Variants in KCND2 observed in about 807,000 individuals in gnomAD.
The protein encoded by KCND2 is potassium voltage-gated channel subfamily D member 2.
A neutral mutation model predicts 54.4 loss-of-function variants in KCND2; 16 were observed. The observed-to-expected ratio is 0.29, with a 90% CI of 0.20 to 0.45. The LOEUF (loss-of-function observed/expected upper bound fraction) is 0.45. Among genes scored for constraint, KCND2 ranks in the 20% least tolerant of loss-of-function variants. The probability of loss-of-function intolerance (pLI) is 1.00; values close to 1 mark genes in which losing one functional copy is unlikely to be tolerated. For synonymous variants in KCND2, 317 were observed against 310.7 expected, an observed-to-expected ratio of 1.02 and a Z score of -0.21; for missense variants, 486 against 824.2, an observed-to-expected ratio of 0.59 and a Z score of 5.02.
chr7:120,333,254 C>T (rs765664137), intron 1 of KCND2, among the ~76,000 whole-genome samples: 1 of 152,050 alleles, frequency 6.6e-6, no homozygotes, highest in East Asian at 1.9e-4. Flanking sequence ...TTGTAAGGAA[C>T]AAATGAAATA....
At chr7:120,542,012 C>T (rs1321858183) in intron 1 of KCND2, among the ~76,000 whole-genome samples, 2 of 152,120 alleles carry the variant, frequency 1.3e-5, no homozygotes, top group African/African-American at 2.4e-5. Context: ...TTTCTACGAC[C>T]TATTTTATTA....
chr7:120,648,918 A>G (rs570356513), intron 1 of KCND2, among the ~76,000 whole-genome samples: 2 of 152,338 alleles, frequency 1.3e-5, no homozygotes, highest in South Asian at 2.1e-4. Context: ...GTTCATTTTT[A>G]TTAGAAGACT....
chr7:120,540,813 A>G (rs1034426353), intron 1 of KCND2, among the ~76,000 whole-genome samples: 4 of 151,586 alleles, frequency 2.6e-5, no homozygotes, highest in Non-Finnish European at 5.9e-5. Flanking sequence ...TTCACTCTCT[A>G]TAAAAAAAAA....
At chr7:120,674,688 C>T (rs1792036545) in intron 1 of KCND2, among the ~76,000 whole-genome samples, 1 of 152,184 alleles carries the variant, frequency 6.6e-6, no homozygotes. Context: ...CTGCATCCTT[C>T]AGGCAATTTA....
intron 1 of KCND2, among the ~76,000 whole-genome samples, chr7:120,316,309 T>A (rs953214817): frequency 6.6e-6 from 1 of 152,222 alleles, no homozygotes; most frequent in African/African-American, 2.4e-5. Flanking sequence ...CTTCTCAGAA[T>A]ATTTAGCTAG....
intron 1 of KCND2, among the ~76,000 whole-genome samples, chr7:120,549,946 T>C (rs1792086061): frequency 6.6e-6 from 1 of 152,078 alleles, no homozygotes; most frequent in Non-Finnish European, 1.5e-5. Context: ...CAAAATGAAA[T>C]AGAAATAGTC....
chr7:120,742,550 C>T lies in KCND2; in HGVS notation c.1415C>T (p.Ser472Phe), dbSNP rs146058924. The T allele has an allele frequency of 1.5e-4, 246 of 1,613,624 alleles. 1 individual carries two copies. The African/African-American group carries it at 2.8e-3, about 18-fold the overall frequency. Residue 472 changes from serine (S) to phenylalanine (F), a missense_variant, in exon 4 of 6, where the codon TCC becomes TTC. This residue lies in a region of KCND2 where 202 missense variants were observed against 252.7 expected (regional missense o/e 0.80). Coordinates refer to ENST00000331113, the MANE Select transcript of KCND2 (RefSeq NM_012281.3). ...CAGGCTTTTGTTAGCAAATCCGGCTCCAGCTTTGAAACCCAGCACCACCAC... is the reference window on the plus strand; with the variant it reads ...CAGGCTTTTGTTAGCAAATCCGGCTTCAGCTTTGAAACCCAGCACCACCAC... ...DEQAFVSKSG[S>F]SFETQHHHLL...
chr7:120,344,863 C>G (rs1363183739), intron 1 of KCND2, among the ~76,000 whole-genome samples: 2 of 152,140 alleles, frequency 1.3e-5, no homozygotes, highest in Admixed American at 1.3e-4. Flanking sequence ...GCCTAGTTCT[C>G]TACTGAGTTC....
intron 1 of KCND2, among the ~76,000 whole-genome samples, chr7:120,591,130 G>A (rs1440875946): frequency 6.6e-6 from 1 of 152,072 alleles, no homozygotes; most frequent in Non-Finnish European, 1.5e-5. Context: ...CACCCAACAT[G>A]TTCAATGTCT....
chr7:120,363,027 G>A (rs770047854), intron 1 of KCND2, among the ~76,000 whole-genome samples: 1 of 152,032 alleles, frequency 6.6e-6, no homozygotes, highest in Non-Finnish European at 1.5e-5. Context: ...GTCAGGCAGG[G>A]TGTCGTGGCT....
At chr7:120,363,243 C>T (rs1013990202) in intron 1 of KCND2, among the ~76,000 whole-genome samples, 12 of 152,056 alleles carry the variant, frequency 7.9e-5, no homozygotes, top group African/African-American at 2.9e-4. Flanking sequence ...TTGTAATGAG[C>T]TTTTATTGTG....
chr7:120,415,984 C>T (rs1801518733), intron 1 of KCND2, among the ~76,000 whole-genome samples: 1 of 152,108 alleles, frequency 6.6e-6, no homozygotes, highest in Admixed American at 6.6e-5. Context: ...ACTAGCAAGC[C>T]ATATTGATAT....
At chr7:120,354,787 A>C (rs979826775) in intron 1 of KCND2, among the ~76,000 whole-genome samples, 12 of 152,130 alleles carry the variant, frequency 7.9e-5, no homozygotes, top group Non-Finnish European at 1.2e-4. Flanking sequence ...AAAAGAAAAG[A>C]AAAGCAAAGA....
chr7:120,391,295 C>G (rs1801073826), intron 1 of KCND2, among the ~76,000 whole-genome samples: 1 of 151,988 alleles, frequency 6.6e-6, no homozygotes, highest in Admixed American at 6.6e-5. Flanking sequence ...ATGTGCCACA[C>G]TTGCTTTATC....
intron 1 of KCND2, among the ~76,000 whole-genome samples, chr7:120,501,798 C>A (rs934340668): frequency 1.3e-5 from 2 of 151,872 alleles, no homozygotes; most frequent in Admixed American, 1.3e-4. Flanking sequence ...GCACTGTATT[C>A]CCCTGGGTGT....
At chr7:120,656,047 T>G (rs1791799659) in intron 1 of KCND2, among the ~76,000 whole-genome samples, 1 of 152,176 alleles carries the variant, frequency 6.6e-6, no homozygotes, top group Non-Finnish European at 1.5e-5. Flanking sequence ...AAAATTATAT[T>G]TAGTTCATTC....
intron 1 of KCND2, among the ~76,000 whole-genome samples, chr7:120,297,720 C>T (rs549477453): frequency 6.4e-4 from 98 of 152,242 alleles, no homozygotes; most frequent in Non-Finnish European, 1.1e-3. Flanking sequence ...AAATGCACTT[C>T]TGTTCACAAA....
chr7:120,742,922 T>C (rs1792960191), intron 4 of KCND2, among the ~76,000 whole-genome samples: 1 of 152,168 alleles, frequency 6.6e-6, no homozygotes, highest in Non-Finnish European at 1.5e-5. Context: ...TTTCTGTGAT[T>C]CTTAAAATGC....
In KCND2 at chr7:120,681,073, A is replaced by C. The variant is rs558713283; in HGVS notation, c.1116-51830A>C. 4.9e-4 allele frequency among the ~76,000 whole-genome samples: 74 copies of C among 152,214 alleles called. 1 individual carries two copies. In the South Asian group the frequency reaches 0.015, roughly 32 times the overall value. On this transcript the variant is annotated intron_variant, in intron 1 of 5. Coordinates refer to ENST00000331113, the MANE Select transcript of KCND2 (RefSeq NM_012281.3). Reference sequence around the variant, plus strand: ...TTCATAATTTGAACAATTTATTCACATGTAGTGTATCTGAAGCCATATAAA... The same window carrying C: ...TTCATAATTTGAACAATTTATTCACCTGTAGTGTATCTGAAGCCATATAAA...
Sources: gnomAD v4.1 joint callset for allele counts (sites outside exome capture counted in the v4.1 genomes callset) on GRCh38, gnomAD v4.1.1 for gene constraint, gnomAD v4.1.1 regional missense constraint, MANE v1.5 for transcripts, NCBI Gene and HGNC (gene_info 2026-07-23, HGNC 2026-07-21) for gene names.